PRAC2: variants seen among roughly 807,000 people sequenced by gnomAD.
PRAC2 encodes the protein protein PRAC2.
For missense variants in PRAC2, 92 were observed against 114.5 expected (o/e 0.80, Z 0.90); for synonymous variants, 43 against 49.5 (o/e 0.87, Z 0.55).
At chr17:48,721,867 C>T (rs1433089713), upstream of PRAC2, 1 of 1,538,010 alleles carries the variant, frequency 6.5e-7, no homozygotes, top group South Asian at 1.2e-5. Context: ...CACTCCTGGT[C>T]TCGCCCAGTA....
chr17:48,723,731 T>C, intron 1 of PRAC2: 1 of 1,231,754 alleles, frequency 8.1e-7, no homozygotes, highest in Non-Finnish European at 1.0e-6. Context: ...GCGCTCTGCG[T>C]TGCGGGTGCT....
chr17:48,719,003 G>C (rs2038120230), upstream of PRAC2, among the ~76,000 whole-genome samples: 1 of 152,068 alleles, frequency 6.6e-6, no homozygotes, highest in Admixed American at 6.5e-5. Flanking sequence ...GCTGAGCCGC[G>C]GGGGACTCCC....
upstream of PRAC2, among the ~76,000 whole-genome samples, chr17:48,720,452 G>A (rs963073248): frequency 1.3e-5 from 2 of 152,152 alleles, no homozygotes; most frequent in Non-Finnish European, 1.5e-5. Flanking sequence ...CAGAAGCCTT[G>A]CTTGTCTGTG....
rs2143056274 is a variant in PRAC2, at chr17:48,724,650, G to A, written c.240G>A (p.Met80Ile). The A allele has an allele frequency of 1.6e-6, 2 of 1,232,242 alleles. No homozygotes were observed. Among genetic ancestry groups the A allele is most frequent in the East Asian group, 6.3e-5 (2 of 31,704 alleles). 76.3% of individuals were successfully genotyped at this position (1,232,242 alleles called of 1,614,324 possible). Residue 80 changes from methionine (M) to isoleucine (I), a missense_variant, in exon 2 of 2, where the codon ATG (methionine) becomes ATA (isoleucine). Met to Ile is a conservative substitution (Grantham distance 10). Transcript: ENST00000422730. The part of the protein sequence containing the change: ...GRWKPVAPRT[M>I]KACPQVLLEW ...GGAAGCCTGTAGCTCCGCGGACGAT[G>A]AAAGCCTGCCCGCAGGTTCTCCTGG... is the stretch of plus-strand genomic sequence containing the variant.
At chr17:48,721,473 G>A (rs1310952090), upstream of PRAC2, among the ~76,000 whole-genome samples, 1 of 152,110 alleles carries the variant, frequency 6.6e-6, no homozygotes, top group Non-Finnish European at 1.5e-5. Flanking sequence ...TTACAGGTGT[G>A]AGCCACCATG....
At chr17:48,722,357 G>C, upstream of PRAC2, 1 of 1,614,168 alleles carries the variant, frequency 6.2e-7, no homozygotes, top group Non-Finnish European at 8.5e-7. Flanking sequence ...TAGTAAGATG[G>C]GCCGGTCCTT....
chr17:48,722,465 G>A (rs1472253584), upstream of PRAC2: 2 of 1,347,186 alleles, frequency 1.5e-6, no homozygotes, highest in African/African-American at 1.4e-5. Context: ...CGGCCTAAAG[G>A]TTTCAGCCTC....
chr17:48,721,048 C>T (rs1036204333), upstream of PRAC2, among the ~76,000 whole-genome samples: 1 of 152,132 alleles, frequency 6.6e-6, no homozygotes, highest in Non-Finnish European at 1.5e-5. Flanking sequence ...GGGGAACTGG[C>T]AGGGAAGGAG....
chr17:48,723,870 C>A, intron 1 of PRAC2: 1 of 890,854 alleles, frequency 1.1e-6, no homozygotes, highest in Non-Finnish European at 1.5e-6. Context: ...GGGCCTGGAG[C>A]CCGCGTAGAC....
intron 1 of PRAC2, 130 bp from the exon 2 acceptor site, chr17:48,724,198 T>C: frequency 2.3e-6 from 1 of 442,370 alleles, no homozygotes; most frequent in Non-Finnish European, 3.8e-6. Flanking sequence ...GTAGATTTTG[T>C]TGTGATTTAA....
intron 1 of PRAC2, chr17:48,723,921 G>T: frequency 1.7e-6 from 1 of 592,410 alleles, no homozygotes; most frequent in Non-Finnish European, 2.5e-6. Flanking sequence ...TGAGAGATTC[G>T]CTGCGGGAGT....
rs369888513 is a variant in PRAC2 at position 48,724,362 on chromosome 17, TG to T, written c.-42del. ...AAGTAAATCCGAAAAAAAGTGTGTGTGGGGGGGTCCACACCACTAATTATTA... is the reference window on the plus strand; with the variant it reads ...AAGTAAATCCGAAAAAAAGTGTGTGTGGGGGGTCCACACCACTAATTATTA... On this transcript the variant is annotated 5_prime_UTR_variant, in exon 2 of 2. Transcript: ENST00000422730. The T allele has an allele frequency of 4.8e-5, 59 of 1,233,252 alleles. No individual in the cohort carries two copies. The East Asian group carries it at 1.3e-3, about 28-fold the overall frequency. The allele number at this position is 1,233,252 out of a possible 1,614,324, so 76.4% of individuals were successfully genotyped here.
At chr17:48,721,844 C>T (rs1193071526), upstream of PRAC2, 2 of 1,543,782 alleles carry the variant, frequency 1.3e-6, no homozygotes, top group East Asian at 4.9e-5. Context: ...TCCAGAATTA[C>T]AGGCTGAGCC....
In PRAC2 at chr17:48,724,590, C is replaced by T; in HGVS notation, c.180C>T (p.His60=). ...GGCGACATCGGGTCCTGGACCCCCACACGCAGCTCAGTACCCACGAGGCCC... is the reference window on the plus strand; with the variant it reads ...GGCGACATCGGGTCCTGGACCCCCATACGCAGCTCAGTACCCACGAGGCCC... The part of the protein sequence containing the change: ...NGRRHRVLDP[H]TQLSTHEAPG... The change falls in exon 2 of 2, where the codon CAC becomes CAT. Residue 60 remains histidine (H), a synonymous_variant. Coordinates refer to ENST00000422730, the MANE Select transcript of PRAC2 (RefSeq NM_001282275.2). The T allele has an allele frequency of 8.1e-7, 1 of 1,232,168 alleles. No individual in the cohort carries two copies. Among genetic ancestry groups the T allele is most frequent in the Non-Finnish European group, 1.0e-6 (1 of 987,984 alleles). The allele number at this position is 1,232,168 out of a possible 1,614,324, so 76.3% of individuals were successfully genotyped here.
upstream of PRAC2, chr17:48,721,919 T>G (rs896079307): frequency 4.0e-6 from 6 of 1,494,734 alleles, no homozygotes; most frequent in Admixed American, 2.4e-5. Flanking sequence ...TTTACAATAT[T>G]TACAAATTTT....
chr17:48,724,240 G>C, intron 1 of PRAC2, 88 bp from the exon 2 acceptor site: 1 of 602,522 alleles, frequency 1.7e-6, no homozygotes, highest in South Asian at 9.0e-5. Flanking sequence ...CAATGTGGTC[G>C]TCCAGGGATA....
upstream of PRAC2, chr17:48,721,691 G>C (rs187312840): frequency 6.0e-5 from 68 of 1,132,634 alleles, no homozygotes; most frequent in East Asian, 2.1e-3. Context: ...AAGAAAAATT[G>C]TTATAATCAC....
intron 1 of PRAC2, 135 bp from the exon 2 acceptor site, chr17:48,724,193 T>A (rs1021980264): frequency 2.3e-5 from 10 of 435,834 alleles, no homozygotes; most frequent in Non-Finnish European, 3.8e-5. Context: ...GGTTTGTAGA[T>A]TTTGTTGTGA....
chr17:48,719,535 A>C (rs997861987), upstream of PRAC2, among the ~76,000 whole-genome samples: 2 of 152,198 alleles, frequency 1.3e-5, no homozygotes, highest in Non-Finnish European at 2.9e-5. Context: ...GGCGCTTGTA[A>C]AACCGAGCGG....
Sources: allele counts gnomAD v4.1 joint callset (sites outside exome capture counted in the v4.1 genomes callset), GRCh38; gene constraint gnomAD v4.1.1; transcripts MANE v1.5; gene names NCBI Gene and HGNC (gene_info 2026-07-23, HGNC 2026-07-21).